RAB33B: variants seen among roughly 807,000 people sequenced by gnomAD.
RAB33B encodes ras-related protein Rab-33B.
RAB33B carries 6 observed loss-of-function variants against 15.0 expected under a neutral mutation model. That is an observed-to-expected ratio of 0.40 (90% CI 0.22 to 0.79). The LOEUF (loss-of-function observed/expected upper bound fraction) is 0.79. RAB33B is among the 30% of genes least tolerant of loss of function. RAB33B has a pLI of 0.37. For synonymous variants in RAB33B, 117 were observed against 108.3 expected (o/e 1.08, Z -0.50); for missense variants, 257 against 296.4 (o/e 0.87, Z 0.98).
chr4:139,440,619 T>TTC, the RAB33B span, among the ~76,000 whole-genome samples: 2 of 151,900 alleles, frequency 1.3e-5, no homozygotes, highest in Admixed American at 1.3e-4. Flanking sequence ...TGACCAATTT[T>TTC]TTTTTTTTTT....
chr4:139,445,523 C>T, the RAB33B span, among the ~76,000 whole-genome samples: 4 of 152,212 alleles, frequency 2.6e-5, no homozygotes, highest in Non-Finnish European at 4.4e-5. Context: ...TGGGTCCTGT[C>T]GAGATGTTCC....
intron 1 of RAB33B, 89 bp downstream of exon 1, chr4:139,454,533 T>C: frequency 7.1e-7 from 1 of 1,409,466 alleles, no homozygotes; most frequent in Non-Finnish European, 9.5e-7. Context: ...GCACGGTGTG[T>C]GTGCGCTCCA....
At chr4:139,468,639 T>G (rs763253287) in intron 1 of RAB33B, among the ~76,000 whole-genome samples, 4 of 152,238 alleles carry the variant, frequency 2.6e-5, no homozygotes, top group Non-Finnish European at 5.9e-5. Context: ...TTCTGTGTAC[T>G]TATTATTACC....
At chr4:139,468,670 G>T (rs1394798585) in intron 1 of RAB33B, among the ~76,000 whole-genome samples, 1 of 152,046 alleles carries the variant, frequency 6.6e-6, no homozygotes, top group African/African-American at 2.4e-5. Context: ...GTATCTTTGG[G>T]TGATTATGTA....
chr4:139,467,284 C>T (rs7669384), intron 1 of RAB33B, among the ~76,000 whole-genome samples: 1 of 114,244 alleles, frequency 8.8e-6, no homozygotes, highest in Non-Finnish European at 1.7e-5. Context: ...CCGCGCACCT[C>T]TTTCCCCACC....
At chr4:139,462,740 A>G (rs746018182) in intron 1 of RAB33B, among the ~76,000 whole-genome samples, 80 of 152,186 alleles carry the variant, frequency 5.3e-4, no homozygotes, top group Admixed American at 1.1e-3. Context: ...CTCAACCTCT[A>G]CTGATTCTGA....
the RAB33B span, among the ~76,000 whole-genome samples, chr4:139,446,471 GGCTGTA>G: frequency 6.6e-6 from 1 of 152,160 alleles, no homozygotes; most frequent in Non-Finnish European, 1.5e-5. Flanking sequence ...CTTATTCATG[GGCTGTA>G]GCTAATGGTT....
chr4:139,467,154 A>T (rs2111081826), intron 1 of RAB33B, among the ~76,000 whole-genome samples: 1 of 149,986 alleles, frequency 6.7e-6, no homozygotes, highest in South Asian at 2.1e-4. Flanking sequence ...TTATTAGTAG[A>T]GATGGGGTTT....
intron 1 of RAB33B, among the ~76,000 whole-genome samples, chr4:139,468,514 A>G (rs1236531730): frequency 6.6e-6 from 1 of 152,222 alleles, no homozygotes; most frequent in Non-Finnish European, 1.5e-5. Flanking sequence ...TGTATTGATT[A>G]TGTCTTGAAA....
At chr4:139,444,016 T>G in the RAB33B span, among the ~76,000 whole-genome samples, 2 of 152,070 alleles carry the variant, frequency 1.3e-5, no homozygotes, top group Admixed American at 6.6e-5. Context: ...GTGTGACCCA[T>G]GAGGAGGTGC....
the RAB33B span, among the ~76,000 whole-genome samples, chr4:139,438,646 G>A: frequency 1.3e-5 from 2 of 152,054 alleles, no homozygotes; most frequent in Non-Finnish European, 2.9e-5. Flanking sequence ...CACTTGTAGA[G>A]GGCAATTCTC....
chr4:139,470,823 G>A (rs1750373646), intron 1 of RAB33B, among the ~76,000 whole-genome samples: 1 of 151,936 alleles, frequency 6.6e-6, no homozygotes, highest in Non-Finnish European at 1.5e-5. Context: ...ATCTAGAAAT[G>A]TCGTCTAGGA....
the RAB33B span, among the ~76,000 whole-genome samples, chr4:139,447,658 CTTTTTT>C: frequency 7.0e-5 from 6 of 85,698 alleles, no homozygotes; most frequent in Admixed American, 2.4e-4. Flanking sequence ...CAGTCTACTA[CTTTTTT>C]TTTTTTTTTT....
intron 1 of RAB33B, among the ~76,000 whole-genome samples, chr4:139,461,774 T>G (rs1257049022): frequency 6.6e-6 from 1 of 152,012 alleles, no homozygotes; most frequent in Non-Finnish European, 1.5e-5. Flanking sequence ...AAATCCTTTA[T>G]TTAAAAAAAA....
In RAB33B at chr4:139,472,859, A is replaced by G; in HGVS notation, c.423A>G (p.Ile141Met). The change falls in exon 2 of 2, where the codon ATA (isoleucine) becomes ATG (methionine). Residue 141 changes from isoleucine (I) to methionine (M), a missense_variant. By Grantham distance (10) the Ile-to-Met change is conservative. Coordinates refer to ENST00000305626, the MANE Select transcript of RAB33B (RefSeq NM_031296.3). Reference sequence around the variant, plus strand: ...AACAACATTTGCTAGCCAATGATATACCACGGATTCTTGTTGGAAATAAAT... The same window carrying G: ...AACAACATTTGCTAGCCAATGATATGCCACGGATTCTTGTTGGAAATAAAT... Reference protein sequence around the residue: ...ECKQHLLANDIPRILVGNKCD... With the variant: ...ECKQHLLANDMPRILVGNKCD... 7 of 1,614,210 alleles carry G rather than the reference A, an allele frequency of 4.3e-6. No individual in the cohort carries two copies. The highest frequency in any genetic ancestry group is 5.9e-6 in the Non-Finnish European group (7 of 1,180,044).
chr4:139,462,460 A>C (rs1750192032), intron 1 of RAB33B, among the ~76,000 whole-genome samples: 1 of 152,166 alleles, frequency 6.6e-6, no homozygotes, highest in Admixed American at 6.5e-5. Context: ...TTTTAATCCA[A>C]ATTTTCCATC....
the RAB33B span, among the ~76,000 whole-genome samples, chr4:139,447,418 C>T: frequency 1.3e-5 from 2 of 152,130 alleles, no homozygotes; most frequent in Admixed American, 1.3e-4. Context: ...TAGAGAGTCA[C>T]TAGCAAAAGT....
intron 1 of RAB33B, among the ~76,000 whole-genome samples, chr4:139,458,898 C>T (rs889259035): frequency 6.6e-6 from 1 of 152,216 alleles, no homozygotes; most frequent in East Asian, 1.9e-4. Context: ...TGTCTTTTCT[C>T]TGCAACTTTG....
Position 139,476,297 on chromosome 4 carries a change from T to C in RAB33B, c.*3171T>C, listed in dbSNP as rs773939713. 1 of 152,188 alleles carries C rather than the reference T, an allele frequency of 6.6e-6. No homozygotes were observed. The highest frequency in any genetic ancestry group is 2.4e-5 in the African/African-American group (1 of 41,456). The allele number at this position is 152,188 out of a possible 1,614,324, so 9.4% of individuals were successfully genotyped here. ...AAAAGAGAACGAACTACGTCTCAGG[T>C]ATAAGATTGCAGTTACTGATTTAGA... On this transcript the variant is annotated 3_prime_UTR_variant, in exon 2 of 2. Transcript: ENST00000305626.
Sources: gnomAD v4.1 joint callset for allele counts (sites outside exome capture counted in the v4.1 genomes callset) on GRCh38, gnomAD v4.1.1 for gene constraint, MANE v1.5 for transcripts, NCBI Gene and HGNC (gene_info 2026-07-23, HGNC 2026-07-21) for gene names.